TUBA3C: variants seen among roughly 807,000 people sequenced by gnomAD.
TUBA3C encodes the protein tubulin alpha 3c, also known as tubulin alpha-3C chain.
TUBA3C carries 23 observed loss-of-function variants against 33.4 expected under a neutral mutation model. The ratio of observed to expected loss-of-function variants is 0.69; its 90% CI spans 0.50 to 0.98. The LOEUF is 0.98. TUBA3C is among the 50% of genes least tolerant of loss of function. The pLI is 0.00. For synonymous variants in TUBA3C, 269 were observed against 250.4 expected, an observed-to-expected ratio of 1.07 and a Z score of -0.70; for missense variants, 402 against 616.0, an observed-to-expected ratio of 0.65 and a Z score of 3.68.
intron 1 of TUBA3C, among the ~76,000 whole-genome samples, chr13:19,180,282 C>T (rs1869355181): frequency 1.3e-5 from 2 of 152,088 alleles, no homozygotes; most frequent in South Asian, 4.2e-4. Flanking sequence ...TAAAGTTACC[C>T]TCTCAATTTT....
At chr13:19,175,262 C>A (rs1424888287) in intron 4 of TUBA3C, among the ~76,000 whole-genome samples, 5 of 151,960 alleles carry the variant, frequency 3.3e-5, no homozygotes, top group Non-Finnish European at 7.4e-5. Context: ...AAAAACAAAA[C>A]AAAACAAAAC....
chr13:19,179,928 T>G (rs1422009289), intron 1 of TUBA3C, among the ~76,000 whole-genome samples: 1 of 152,152 alleles, frequency 6.6e-6, no homozygotes, highest in Non-Finnish European at 1.5e-5. Context: ...TACCAAAGGA[T>G]AAGGTAATGG....
Position 19,177,167 on chromosome 13 carries a change from G to A in TUBA3C, c.816C>T (p.Tyr272=), listed in dbSNP as rs2463338. 234 of 1,613,960 alleles carry A rather than the reference G, an allele frequency of 1.4e-4. No individual in the cohort carries two copies. The highest frequency in any genetic ancestry group is 8.0e-5 in the African/African-American group (6 of 74,900). The change falls in exon 4 of 5, where the codon TAC becomes TAT. Residue 272 remains tyrosine, a synonymous_variant. Coordinates refer to ENST00000400113, the MANE Select transcript of TUBA3C (RefSeq NM_006001.3). The surrounding 1 kb of genome is among the most constrained non-coding windows in gnomAD (Gnocchi z 5.0). ...YPRIHFPLAT[Y]APVISAEKAY... ...CCTTCTCGGCTGAGATGACCGGGGC[G>A]TAGGTGGCCAGGGGGAAGTGGATGC...
chr13:19,179,681 A>G (rs1260069038), intron 1 of TUBA3C, 118 bp from the exon 2 acceptor site: 13 of 1,359,796 alleles, frequency 9.6e-6, no homozygotes, highest in Non-Finnish European at 1.3e-5. Context: ...TGCTTTCACA[A>G]TTGATATTTC....
chr13:19,178,505 C>T (rs908311435), intron 2 of TUBA3C, 111 bp from the exon 3 acceptor site: 4 of 1,439,406 alleles, frequency 2.8e-6, no homozygotes, highest in Non-Finnish European at 3.7e-6. Context: ...AAGTACATGA[C>T]CTACATGTTG....
rs147699887 is a variant in TUBA3C at position 19,177,439 on chromosome 13, C to T, written c.544G>A (p.Val182Met). 5.1e-3 allele frequency: 8,301 copies of T among 1,614,106 alleles called. 40 individuals are homozygous for T. Among genetic ancestry groups the T allele is most frequent in the Non-Finnish European group, 5.7e-3 (6,696 of 1,180,028 alleles). ...YPAPQVSTAV[V>M]EPYNSILTTH... ...GTCAGGATGGAGTTGTAGGGCTCCACCACGGCCGTGGAGACCTGGGGGGCT... is the reference window on the plus strand; with the variant it reads ...GTCAGGATGGAGTTGTAGGGCTCCATCACGGCCGTGGAGACCTGGGGGGCT... Residue 182 changes from valine (V) to methionine (M), a missense_variant, in exon 4 of 5, where the codon GTG becomes ATG. By Grantham distance (21) the Val-to-Met change is conservative. Transcript: ENST00000400113. This position sits in a 1 kb window ranked among gnomAD's most constrained non-coding sequence, Gnocchi z 5.0.
chr13:19,178,275 C>A lies in TUBA3C; in HGVS notation c.346G>T (p.Asp116Tyr). Residue 116 changes from aspartate to tyrosine, a missense_variant, in exon 3 of 5, where the codon GAC becomes TAC. Transcript: ENST00000400113. ...TTGCGGATCCGGTCCAGGACCAGGTCGACGATCTCCTTGCCGATGGTGTAA... is the reference window on the plus strand; with the variant it reads ...TTGCGGATCCGGTCCAGGACCAGGTAGACGATCTCCTTGCCGATGGTGTAA... Reference protein sequence around the residue: ...GHYTIGKEIVDLVLDRIRKLA... With the variant: ...GHYTIGKEIVYLVLDRIRKLA... 1 of 1,614,152 alleles carries A rather than the reference C, an allele frequency of 6.2e-7. No individual in the cohort carries two copies. Among genetic ancestry groups the A allele is most frequent in the Non-Finnish European group, 8.5e-7 (1 of 1,180,026 alleles).
At chr13:19,179,705 G>A in intron 1 of TUBA3C, 142 bp from the exon 2 acceptor site, 1 of 1,235,122 alleles carries the variant, frequency 8.1e-7, no homozygotes, top group Non-Finnish European at 1.1e-6. Context: ...GGAGGGTTAG[G>A]TGACTGACCC....
intron 1 of TUBA3C, among the ~76,000 whole-genome samples, chr13:19,181,039 T>C (rs1182229876): frequency 6.6e-6 from 1 of 150,750 alleles, no homozygotes; most frequent in Non-Finnish European, 1.5e-5. Flanking sequence ...CTATTCTTTA[T>C]GTGAATGCGT....
In TUBA3C at chr13:19,179,330, C is replaced by G; in HGVS notation, c.226+11G>C. On this transcript the variant is annotated intron_variant, in intron 2 of 4. Transcript: ENST00000400113. ...CCTAAGAAAGCTGCCATCCAGGACC[C>G]GAGCACCTACCGACCACAGTGGGCT... is the stretch of plus-strand genomic sequence containing the variant. 1 of 1,613,844 alleles carries G rather than the reference C, an allele frequency of 6.2e-7. No homozygotes were observed. The highest frequency in any genetic ancestry group is 8.5e-7 in the Non-Finnish European group (1 of 1,179,768).
chr13:19,177,678 C>T lies in TUBA3C; in HGVS notation c.376-71G>A. On this transcript the variant is annotated intron_variant, in intron 3 of 4. Transcript: ENST00000400113. The surrounding 1 kb of genome is among the most constrained non-coding windows in gnomAD (Gnocchi z 5.0). ...CCACCAACCTCCACCAAGCCAGGGC[C>T]ACTTCTCTGCCTCTGAAGACTTGAT... 2.0e-6 allele frequency: 3 copies of T among 1,509,080 alleles called. No homozygotes were observed. Among genetic ancestry groups the T allele is most frequent in the Non-Finnish European group, 2.7e-6 (3 of 1,128,110 alleles). 93.5% of individuals were successfully genotyped at this position (1,509,080 alleles called of 1,614,324 possible).
In TUBA3C at chr13:19,174,491, G is replaced by T. The variant is rs36216663; in HGVS notation, c.1057-332C>A. On this transcript the variant is annotated intron_variant, in intron 4 of 4. Transcript: ENST00000400113. ...TAAAGGATTTTTGTGCCCCTTTCTTGGGTGGTAGAATTCATGTGGAAAAGG... is the reference window on the plus strand; with the variant it reads ...TAAAGGATTTTTGTGCCCCTTTCTTTGGTGGTAGAATTCATGTGGAAAAGG... 1.3e-3 allele frequency among the ~76,000 whole-genome samples: 192 copies of T among 151,788 alleles called. 1 individual carries two copies. Among genetic ancestry groups the T allele is most frequent in the African/African-American group, 4.4e-3 (184 of 41,384 alleles).
rs36215075 is a variant in TUBA3C at position 19,179,435 on chromosome 13, A to G, written c.132T>C (p.Gly44=). Residue 44 remains glycine, a synonymous_variant, in exon 2 of 5, where the codon GGT becomes GGC. Transcript: ENST00000400113. ...AGAACGTGTTGAAGGAGTCGTCCCCACCACCAATGGTTTTATCACTTGGCA... is the reference window on the plus strand; with the variant it reads ...AGAACGTGTTGAAGGAGTCGTCCCCGCCACCAATGGTTTTATCACTTGGCA... The part of the protein sequence containing the change: ...GQMPSDKTIG[G]GDDSFNTFFS... 88,423 of 1,613,948 alleles carry G rather than the reference A, an allele frequency of 0.055. 2,837 individuals are homozygous for G. Among genetic ancestry groups the G allele is most frequent in the Middle Eastern group, 0.07 (425 of 6,060 alleles).
chr13:19,173,805 C>T lies in TUBA3C; in HGVS notation c.*58G>A. 2 of 1,567,538 alleles carry T rather than the reference C, an allele frequency of 1.3e-6. No individual in the cohort carries two copies. Among genetic ancestry groups the T allele is most frequent in the Non-Finnish European group, 8.6e-7 (1 of 1,156,872 alleles). ...ATACAGAACCTTTAATTGCAAAGAA[C>T]TTGAAAGCAGCCACGCTGGGGGTGG... On this transcript the variant is annotated 3_prime_UTR_variant, in exon 5 of 5. Transcript: ENST00000400113.
rs9507570 is a variant in TUBA3C at position 19,177,899 on chromosome 13, G to A, written c.376-292C>T. Among the ~76,000 whole-genome samples, 638 of 151,264 alleles carry A rather than the reference G, an allele frequency of 4.2e-3. 7 individuals carry two copies. Among genetic ancestry groups the A allele is most frequent in the African/African-American group, 0.014 (558 of 41,170 alleles). ...TCTCACTCTGTTGCCCAGGCCGGAGGGCAGTGGCATGAACTCCGCTCAGTG... is the reference window on the plus strand; with the variant it reads ...TCTCACTCTGTTGCCCAGGCCGGAGAGCAGTGGCATGAACTCCGCTCAGTG... On this transcript the variant is annotated intron_variant, in intron 3 of 4. Transcript: ENST00000400113. The surrounding 1 kb of genome is among the most constrained non-coding windows in gnomAD (Gnocchi z 5.0).
rs776430166 is a variant in TUBA3C, at chr13:19,176,947, A to G, written c.1036T>C (p.Trp346Arg). Residue 346 changes from tryptophan to arginine, a missense_variant, in exon 4 of 5, where the codon TGG becomes CGG. Transcript: ENST00000400113. The part of the protein sequence containing the change: ...KTKRTIQFVD[W>R]CPTGFKVGIN... ...CATACCTTAAATCCAGTTGGGCACC[A>G]ATCTACAAACTGGATGGTGCGCTTG... 10 of 1,613,740 alleles carry G rather than the reference A, an allele frequency of 6.2e-6. No homozygotes were observed. The highest frequency in any genetic ancestry group is 3.3e-5 in the Admixed American group (2 of 59,970).
chr13:19,173,891 G>A lies in TUBA3C; in HGVS notation c.1325C>T (p.Ala442Val), dbSNP rs139316426. 25 of 1,614,022 alleles carry A rather than the reference G, an allele frequency of 1.5e-5. No homozygotes were observed. The highest frequency in any genetic ancestry group is 2.1e-5 in the Non-Finnish European group (25 of 1,179,978). ...GTATTCTTCACCTTCTTCAGCCTCG[G>A]CTTCCACGGAATCCACGCCCACCTC... ...YEEVGVDSVE[A>V]EAEEGEEY The change falls in exon 5 of 5, where the codon GCC (alanine) becomes GTC (valine). Residue 442 changes from alanine (A) to valine (V), a missense_variant. Ala to Val is a moderately conservative substitution (Grantham distance 64). Transcript: ENST00000400113.
At chr13:19,180,069 C>T (rs1384630588) in intron 1 of TUBA3C, among the ~76,000 whole-genome samples, 1 of 152,164 alleles carries the variant, frequency 6.6e-6, no homozygotes, top group Non-Finnish European at 1.5e-5. Flanking sequence ...CTCTCCGAGG[C>T]TGACCCATGA....
At position 19,177,082 on chromosome 13, in the gene TUBA3C, G is replaced by C; in HGVS notation, c.901C>G (p.Gln301Glu). The C allele has an allele frequency of 6.2e-7, 1 of 1,614,180 alleles. No homozygotes were observed. ...TGGCGAGGGTCACACTTGACCATCT[G>C]ATTGGCTGGCTCGAAGCAGGCATTG... is the stretch of plus-strand genomic sequence containing the variant. ...ITNACFEPAN[Q>E]MVKCDPRHGK... Residue 301 changes from glutamine (Q) to glutamate (E), a missense_variant, in exon 4 of 5, where the codon CAG becomes GAG. Gln to Glu is a conservative substitution (Grantham distance 29). Coordinates refer to ENST00000400113, the MANE Select transcript of TUBA3C (RefSeq NM_006001.3). The surrounding 1 kb of genome is among the most constrained non-coding windows in gnomAD (Gnocchi z 5.0).
Sources: gnomAD v4.1 joint callset for allele counts (sites outside exome capture counted in the v4.1 genomes callset) on GRCh38, gnomAD v4.1.1 for gene constraint, Gnocchi (gnomAD v3.1) non-coding constraint, MANE v1.5 for transcripts, NCBI Gene and HGNC (gene_info 2026-07-23, HGNC 2026-07-21) for gene names.